Variants in NRP1 observed in about 807,000 individuals in gnomAD.
NRP1 encodes the protein neuropilin-1.
In NRP1, 35 loss-of-function variants were observed where a neutral mutation model predicts 106.7. The observed-to-expected ratio is 0.33, with a 90% CI of 0.25 to 0.43. NRP1 has a LOEUF of 0.43. Ranked by LOEUF, NRP1 falls within the 20% of genes least tolerant of loss-of-function variation. The probability of loss-of-function intolerance (pLI) is 1.00; values close to 1 mark genes in which losing one functional copy is unlikely to be tolerated. For synonymous variants in NRP1, 437 were observed against 417.9 expected, an observed-to-expected ratio of 1.05 and a Z score of -0.56; for missense variants, 1,024 against 1,170.4, an observed-to-expected ratio of 0.87 and a Z score of 1.83.
chr10:33,287,721 A>ACC (rs1340546722), intron 2 of NRP1, among the ~76,000 whole-genome samples: 8 of 152,332 alleles, frequency 5.3e-5, no homozygotes, highest in Admixed American at 2.6e-4. Flanking sequence ...CCAGAGGCCC[A>ACC]TAGAGGTGTC....
chr10:33,228,438 T>G (rs971773962), intron 6 of NRP1, among the ~76,000 whole-genome samples: 3 of 152,088 alleles, frequency 2.0e-5, no homozygotes, highest in Admixed American at 1.3e-4. Context: ...CCTCCCAACT[T>G]TTGAATTTTG....
At position 33,256,412 on chromosome 10, in the gene NRP1, A is replaced by C; in HGVS notation, c.718T>G (p.Ser240Ala). 1 of 1,614,236 alleles carries C rather than the reference A, an allele frequency of 6.2e-7. No homozygotes were observed. The highest frequency in any genetic ancestry group is 1.7e-5 in the Admixed American group (1 of 60,032). ...TAAAAAACCATGGAGAGAATGCCCG[A>C]TGAGGATCGGATTCGACCTGGTGTT... Reference protein sequence around the residue: ...QKTPGRIRSSSGILSMVFYTD... With the variant: ...QKTPGRIRSSAGILSMVFYTD... The change falls in exon 5 of 17, where the codon TCG becomes GCG. Residue 240 changes from serine to alanine, a missense_variant. This residue lies in a region of NRP1 where 279 missense variants were observed against 327.4 expected (regional missense o/e 0.85). Transcript: ENST00000374867.
chr10:33,270,575 C>G, intron 3 of NRP1, 100 bp downstream of exon 3: 2 of 982,690 alleles, frequency 2.0e-6, no homozygotes, highest in Non-Finnish European at 2.9e-6. Flanking sequence ...GATCCACCTG[C>G]CTCGGCCTCC....
At chr10:33,235,351 T>A (rs1237493648) in intron 6 of NRP1, among the ~76,000 whole-genome samples, 2 of 152,176 alleles carry the variant, frequency 1.3e-5, no homozygotes, top group Non-Finnish European at 2.9e-5. Flanking sequence ...ACCATAAAGA[T>A]CAAATGTGAA....
At chr10:33,228,495 C>T (rs1436843712) in intron 6 of NRP1, among the ~76,000 whole-genome samples, 1 of 152,222 alleles carries the variant, frequency 6.6e-6, no homozygotes, top group Non-Finnish European at 1.5e-5. Flanking sequence ...TATAATATTT[C>T]AATTAATTCT....
At chr10:33,243,558 T>C (rs768428989) in intron 6 of NRP1, among the ~76,000 whole-genome samples, 1 of 152,190 alleles carries the variant, frequency 6.6e-6, no homozygotes, top group African/African-American at 2.4e-5. Context: ...ATTGGAATTG[T>C]AGGAAGAATA....
intron 2 of NRP1, among the ~76,000 whole-genome samples, chr10:33,319,876 G>A (rs537723789): frequency 2.0e-5 from 3 of 151,088 alleles, no homozygotes; most frequent in South Asian, 2.1e-4. Flanking sequence ...CTGAGCCACC[G>A]CGCCCGGCCT....
chr10:33,246,245 AAC>A (rs1841417339), intron 6 of NRP1, among the ~76,000 whole-genome samples: 1 of 151,896 alleles, frequency 6.6e-6, no homozygotes, highest in African/African-American at 2.4e-5. Flanking sequence ...TAAAAAAAAA[AAC>A]ACCTTAGAAT....
intron 10 of NRP1, 140 bp from the exon 11 acceptor site, chr10:33,203,135 G>C: frequency 1.3e-6 from 1 of 762,568 alleles, no homozygotes; most frequent in Non-Finnish European, 2.1e-6. Flanking sequence ...CTCTCTTTCA[G>C]GAGCTAGATA....
chr10:33,265,131 A>G (rs184926303), intron 3 of NRP1, among the ~76,000 whole-genome samples: 2 of 143,440 alleles, frequency 1.4e-5, no homozygotes, highest in Admixed American at 1.4e-4. Context: ...AAACAAACAA[A>G]CAAACAAACA....
At chr10:33,300,516 C>T (rs745532998) in intron 2 of NRP1, among the ~76,000 whole-genome samples, 18 of 152,286 alleles carry the variant, frequency 1.2e-4, no homozygotes, top group Middle Eastern at 6.8e-3. Flanking sequence ...GCAGTGGTTC[C>T]TGAGTGTGTG....
At chr10:33,263,526 G>T in intron 4 of NRP1, 120 bp downstream of exon 4, 1 of 682,480 alleles carries the variant, frequency 1.5e-6, no homozygotes, top group Non-Finnish European at 2.5e-6. Context: ...GTTTTGCTTT[G>T]TTTTCCAGTG....
chr10:33,266,985 T>C (rs1842964088), intron 3 of NRP1, among the ~76,000 whole-genome samples: 1 of 152,072 alleles, frequency 6.6e-6, no homozygotes, highest in African/African-American at 2.4e-5. Context: ...TGAGCCAAGA[T>C]CGTGCCACTG....
chr10:33,217,848 G>A (rs1182706655), intron 8 of NRP1, among the ~76,000 whole-genome samples: 2 of 152,154 alleles, frequency 1.3e-5, no homozygotes, highest in African/African-American at 4.8e-5. Context: ...GTTATTTTCA[G>A]TGATATTATT....
Position 33,270,853 on chromosome 10 carries a change from A to G in NRP1, c.252T>C (p.Tyr84=). The change falls in exon 3 of 17, where the codon TAT becomes TAC. Residue 84 remains tyrosine, a synonymous_variant. Coordinates refer to ENST00000374867, the MANE Select transcript of NRP1 (RefSeq NM_003873.7). ...HFDLEDRDCK[Y]DYVEVFDGEN... ...CTCCATCGAAGACTTCCACGTAGTC[A>G]TACCTAATACACAAACATGGAAGAA... 6.3e-7 allele frequency: 1 copy of G among 1,597,328 alleles called. No homozygotes were observed. The highest frequency in any genetic ancestry group is 8.5e-7 in the Non-Finnish European group (1 of 1,172,920).
intron 2 of NRP1, among the ~76,000 whole-genome samples, chr10:33,304,662 G>T (rs1846022972): frequency 6.6e-6 from 1 of 152,102 alleles, no homozygotes. Context: ...AAATGAGAAT[G>T]ACCCCATCTA....
intron 10 of NRP1, among the ~76,000 whole-genome samples, chr10:33,206,860 G>T (rs1399754716): frequency 2.0e-5 from 3 of 152,184 alleles, no homozygotes; most frequent in Non-Finnish European, 2.9e-5. Flanking sequence ...CAGCCATGGG[G>T]TCAGTGCGTG....
At chr10:33,294,631 A>AAT (rs1845250356) in intron 2 of NRP1, among the ~76,000 whole-genome samples, 2 of 152,004 alleles carry the variant, frequency 1.3e-5, no homozygotes, top group African/African-American at 4.8e-5. Flanking sequence ...AAAAAAAAAA[A>AAT]AAAATCTATG....
chr10:33,194,005 T>C (rs993687077), intron 12 of NRP1, among the ~76,000 whole-genome samples: 5 of 152,188 alleles, frequency 3.3e-5, no homozygotes, highest in African/African-American at 1.2e-4. Context: ...AGTACTTTCA[T>C]TTAGTGCAAA....
Sources: gnomAD v4.1 joint callset for allele counts (sites outside exome capture counted in the v4.1 genomes callset) on GRCh38, gnomAD v4.1.1 for gene constraint, gnomAD v4.1.1 regional missense constraint, MANE v1.5 for transcripts, NCBI Gene and HGNC (gene_info 2026-07-23, HGNC 2026-07-21) for gene names.